Variants in PPP6R3 observed in about 807,000 individuals in gnomAD.
The protein encoded by PPP6R3 is serine/threonine-protein phosphatase 6 regulatory subunit 3.
Under a neutral mutation model 110.7 loss-of-function variants are expected in PPP6R3, and 38 were observed. The ratio of observed to expected loss-of-function variants is 0.34; its 90% CI spans 0.26 to 0.45. The LOEUF (loss-of-function observed/expected upper bound fraction) is 0.45, where lower values mean the gene tolerates loss of function less well. PPP6R3 is among the 20% of genes least tolerant of loss of function. PPP6R3 has a pLI of 1.00. For synonymous variants in PPP6R3, 369 were observed against 373.5 expected (o/e 0.99, Z 0.14); for missense variants, 870 against 1,062.4 (o/e 0.82, Z 2.52).
At chr11:68,525,078 T>C (rs977799993) in intron 2 of PPP6R3, among the ~76,000 whole-genome samples, 2 of 152,242 alleles carry the variant, frequency 1.3e-5, no homozygotes, top group African/African-American at 4.8e-5. Context: ...GTGCACACTT[T>C]GGAGCTAGTC....
At chr11:68,473,697 C>T (rs2098808441) in intron 1 of PPP6R3, among the ~76,000 whole-genome samples, 2 of 152,178 alleles carry the variant, frequency 1.3e-5, no homozygotes, top group African/African-American at 4.8e-5. Context: ...TGGAGGACAC[C>T]CACCTGGTGT....
In PPP6R3 at chr11:68,546,177, G is replaced by T. The variant is rs2099348259; in HGVS notation, c.414+1153G>T. Among the ~76,000 whole-genome samples the T allele has an allele frequency of 3.3e-5, 5 of 152,260 alleles. No individual in the cohort carries two copies. In the South Asian group the frequency reaches 1.0e-3, roughly 32 times the overall value. On this transcript the variant is annotated intron_variant, in intron 4 of 23. Coordinates refer to ENST00000393800, the MANE Select transcript of PPP6R3 (RefSeq NM_001164161.2). ...TTGGAAATGAGATTCTTTTCACTTT[G>T]GTAATAATCCCCAAATCATGATTAA...
At chr11:68,607,693 A>G (rs924184425) in intron 22 of PPP6R3, among the ~76,000 whole-genome samples, 1 of 152,218 alleles carries the variant, frequency 6.6e-6, no homozygotes, top group Non-Finnish European at 1.5e-5. Flanking sequence ...GGACTTCTGT[A>G]TCTATCTCAT....
intron 1 of PPP6R3, among the ~76,000 whole-genome samples, chr11:68,466,968 G>A (rs952471925): frequency 7.4e-6 from 1 of 134,924 alleles, no homozygotes; most frequent in Non-Finnish European, 1.6e-5. Context: ...GGATGGTCTC[G>A]ATCTCTTAGT....
rs1268256129 is a variant in PPP6R3 at position 68,488,734 on chromosome 11, CCT to C, written c.-158+27908_-158+27909del. 2.6e-5 allele frequency: 4 copies of C among 152,212 alleles called. No individual in the cohort carries two copies. In the East Asian group the frequency reaches 7.8e-4, roughly 30 times the overall value. 9.4% of individuals were successfully genotyped at this position (152,212 alleles called of 1,614,324 possible). On this transcript the variant is annotated intron_variant, in intron 1 of 23. Transcript: ENST00000393800. The stretch of plus-strand genomic sequence containing the variant: ...GGTGTGTCCTGATTGATCATGATGG[CCT>C]ACTTGGTGTAGGGGCTGAGTAGGGG...
chr11:68,483,683 T>C lies in PPP6R3; in HGVS notation c.-158+22856T>C, dbSNP rs568945562. On this transcript the variant is annotated intron_variant, in intron 1 of 23. Transcript: ENST00000393800. ...TTTTAGTAGAGACAGGGTTTCACCA[T>C]GTTGGCCAGGCTGGTCTCAAACTCC... Among the ~76,000 whole-genome samples the C allele has an allele frequency of 5.3e-4, 81 of 152,354 alleles. 1 individual carries two copies. Among genetic ancestry groups the C allele is most frequent in the African/African-American group, 1.9e-3 (78 of 41,580 alleles).
rs953314612 is a variant in PPP6R3 at position 68,591,832 on chromosome 11, T to C, written c.1916+126T>C. ...CAGAAACCAGTGTTTTTTTTTGTCA[T>C]GGCCAGAAATGCCCTTGTTGGCGGG... On this transcript the variant is annotated intron_variant, in intron 18 of 23. Transcript: ENST00000393800. 4 of 1,165,992 alleles carry C rather than the reference T, an allele frequency of 3.4e-6. No homozygotes were observed. The East Asian group carries it at 8.2e-5, about 24-fold the overall frequency. The allele number at this position is 1,165,992 out of a possible 1,614,324, so 72.2% of individuals were successfully genotyped here. A position where few individuals can be genotyped will look rare whatever the true frequency, so the allele number is the denominator to read the frequency against.
intron 11 of PPP6R3, 22 bp from the exon 12 acceptor site, chr11:68,571,018 A>G (rs1419806222): frequency 1.3e-6 from 2 of 1,581,096 alleles, no homozygotes; most frequent in African/African-American, 2.7e-5. Context: ...ATTAACTGGA[A>G]TATTCTTTTT....
At chr11:68,495,551 G>A (rs551764593) in intron 1 of PPP6R3, among the ~76,000 whole-genome samples, 5 of 152,138 alleles carry the variant, frequency 3.3e-5, no homozygotes, top group African/African-American at 1.2e-4. Flanking sequence ...TCCTATAGAT[G>A]TGCCTATTCT....
intron 22 of PPP6R3, among the ~76,000 whole-genome samples, chr11:68,606,719 G>T (rs960969924): frequency 6.6e-6 from 1 of 152,180 alleles, no homozygotes; most frequent in African/African-American, 2.4e-5. Flanking sequence ...TTAAGATGAA[G>T]CCTTAAAGGA....
chr11:68,540,678 A>T (rs1010573267), intron 3 of PPP6R3, among the ~76,000 whole-genome samples: 4 of 145,182 alleles, frequency 2.8e-5, no homozygotes, highest in Non-Finnish European at 6.2e-5. Flanking sequence ...ACCATAAGAG[A>T]TGACCACACC....
intron 19 of PPP6R3, among the ~76,000 whole-genome samples, chr11:68,597,424 A>T (rs2099617267): frequency 6.6e-6 from 1 of 152,176 alleles, no homozygotes; most frequent in Admixed American, 6.5e-5. Context: ...GGTTGTAGGG[A>T]GCCCTTGAGG....
At chr11:68,507,965 G>A (rs2099087355) in intron 1 of PPP6R3, among the ~76,000 whole-genome samples, 1 of 151,910 alleles carries the variant, frequency 6.6e-6, no homozygotes, top group Non-Finnish European at 1.5e-5. Context: ...TAGCACTTTG[G>A]GAGGCTGAGG....
At chr11:68,600,626 A>T (rs2099628943) in intron 20 of PPP6R3, 132 bp downstream of exon 20, 3 of 972,376 alleles carry the variant, frequency 3.1e-6, no homozygotes, top group East Asian at 5.3e-5. Context: ...AAGATTAAAC[A>T]TCAGCATACT....
At chr11:68,487,224 ACT>A (rs1339253425) in intron 1 of PPP6R3, among the ~76,000 whole-genome samples, 1 of 152,048 alleles carries the variant, frequency 6.6e-6, no homozygotes, top group African/African-American at 2.4e-5. Context: ...CCTTCTAGAC[ACT>A]GTTTTTGCTG....
intron 1 of PPP6R3, among the ~76,000 whole-genome samples, chr11:68,492,552 T>C (rs1432528843): frequency 1.3e-5 from 2 of 152,350 alleles, no homozygotes; most frequent in East Asian, 1.9e-4. Flanking sequence ...CTTTTGGCCA[T>C]TGAGAGTGAT....
rs2099476683 is a variant in PPP6R3, at chr11:68,567,079, C to T, written c.1041C>T (p.Val347=). The stretch of plus-strand genomic sequence containing the variant: ...CTGTGGGGAATACCCGGTTGAATGT[C>T]ATTAGGTTGATATCCAGCCTGCTTC... The part of the protein sequence containing the change: ...DPPVGNTRLN[V]IRLISSLLQT... The change falls in exon 10 of 24, where the codon GTC becomes GTT. Residue 347 remains valine, a synonymous_variant. Coordinates refer to ENST00000393800, the MANE Select transcript of PPP6R3 (RefSeq NM_001164161.2). 2 of 1,551,376 alleles carry T rather than the reference C, an allele frequency of 1.3e-6. No individual in the cohort carries two copies. The highest frequency in any genetic ancestry group is 3.9e-5 in the Admixed American group (2 of 50,964).
intron 1 of PPP6R3, among the ~76,000 whole-genome samples, chr11:68,487,643 C>T (rs2098956635): frequency 6.6e-6 from 1 of 151,762 alleles, no homozygotes; most frequent in East Asian, 1.9e-4. Flanking sequence ...TCTTTTTTGA[C>T]TCCCATGTTA....
chr11:68,530,354 T>G (rs1392695677), intron 2 of PPP6R3, among the ~76,000 whole-genome samples: 4 of 152,226 alleles, frequency 2.6e-5, no homozygotes, highest in Admixed American at 2.6e-4. Flanking sequence ...AATTTGTGTG[T>G]CAAATATTTT....
Sources: gnomAD v4.1 joint callset for allele counts (sites outside exome capture counted in the v4.1 genomes callset) on GRCh38, gnomAD v4.1.1 for gene constraint, MANE v1.5 for transcripts, NCBI Gene and HGNC (gene_info 2026-07-23, HGNC 2026-07-21) for gene names.